TBC1D8: variants seen among roughly 807,000 people sequenced by gnomAD.
The protein encoded by TBC1D8 is TBC1 domain family member 8.
In TBC1D8, 65 loss-of-function variants were observed where a neutral mutation model predicts 118.8. The observed-to-expected ratio is 0.55, with a 90% CI of 0.45 to 0.67. The LOEUF is 0.67. TBC1D8 is among the 30% of genes least tolerant of loss of function. The probability of loss-of-function intolerance (pLI) is 0.00; values close to 1 mark genes in which losing one functional copy is unlikely to be tolerated. For synonymous variants in TBC1D8, 566 were observed against 595.8 expected (o/e 0.95, Z 0.73); for missense variants, 1,376 against 1,471.2 (o/e 0.94, Z 1.06).
intron 1 of TBC1D8, among the ~76,000 whole-genome samples, chr2:101,118,471 T>C (rs2919691): frequency 0.65 from 96,623 of 149,122 alleles, 31,054 homozygotes; most frequent in East Asian, 0.78. Context: ...CCAAGGCGGG[T>C]GGATCACAAG....
chr2:101,020,920 T>C (rs1366184299), intron 17 of TBC1D8, among the ~76,000 whole-genome samples: 3 of 152,078 alleles, frequency 2.0e-5, no homozygotes, highest in Non-Finnish European at 4.4e-5. Context: ...GTATATAGGG[T>C]TTGGTACTAT....
chr2:101,083,655 C>T (rs1407688088), intron 2 of TBC1D8, among the ~76,000 whole-genome samples: 2 of 152,130 alleles, frequency 1.3e-5, no homozygotes, highest in African/African-American at 2.4e-5. Context: ...CCTCAAAGGC[C>T]CTCCTATGTC....
At chr2:101,142,641 G>A (rs906060535) in intron 1 of TBC1D8, among the ~76,000 whole-genome samples, 5 of 151,976 alleles carry the variant, frequency 3.3e-5, no homozygotes, top group Non-Finnish European at 7.4e-5. Flanking sequence ...CAGGGGGTGG[G>A]GTGATCAAGT....
intron 1 of TBC1D8, among the ~76,000 whole-genome samples, chr2:101,124,534 C>T (rs764597999): frequency 3.3e-5 from 5 of 152,156 alleles, no homozygotes; most frequent in African/African-American, 1.2e-4. Flanking sequence ...CAGTACACTC[C>T]GCTGGCTGAG....
chr2:101,111,719 G>C (rs1265509327), intron 1 of TBC1D8, among the ~76,000 whole-genome samples: 4 of 152,190 alleles, frequency 2.6e-5, no homozygotes, highest in African/African-American at 2.4e-5. Flanking sequence ...TTACAGGAGG[G>C]AGAAATTGGT....
intron 11 of TBC1D8, 44 bp from the exon 12 acceptor site, chr2:101,029,820 C>T (rs1330060078): frequency 2.5e-6 from 4 of 1,581,746 alleles, no homozygotes; most frequent in Non-Finnish European, 3.4e-6. Context: ...GTAGGACTCA[C>T]TCTCTAAGGT....
chr2:101,007,748 G>T lies in TBC1D8; in HGVS notation c.*73C>A. The T allele has an allele frequency of 6.8e-7, 1 of 1,479,562 alleles. No individual in the cohort carries two copies. Among genetic ancestry groups the T allele is most frequent in the Non-Finnish European group, 9.2e-7 (1 of 1,082,968 alleles). The allele number at this position is 1,479,562 out of a possible 1,614,324, so 91.7% of individuals were successfully genotyped here. ...AGGTAGACTGAAATCTCGGTTTAGG[G>T]CTGACCCCAAGAAACAGTCTGGTTC... On this transcript the variant is annotated 3_prime_UTR_variant, in exon 20 of 20. Coordinates refer to ENST00000409318, the MANE Select transcript of TBC1D8 (RefSeq NM_001330348.2).
rs370020283 is a variant in TBC1D8, at chr2:101,034,383, A to G, written c.1604-625T>C. Among the ~76,000 whole-genome samples the G allele has an allele frequency of 3.2e-3, 494 of 152,338 alleles. 5 individuals carry two copies. The highest frequency in any genetic ancestry group is 0.011 in the African/African-American group (478 of 41,578). On this transcript the variant is annotated intron_variant, in intron 9 of 19. Coordinates refer to ENST00000409318, the MANE Select transcript of TBC1D8 (RefSeq NM_001330348.2). ...CAACAAGAAATGACACCAAGCACTG[A>G]TGCGTGAGGCACATCAAGGGGGCGC...
chr2:101,082,454 T>TG (rs1250247327), intron 2 of TBC1D8, among the ~76,000 whole-genome samples: 1 of 152,170 alleles, frequency 6.6e-6, no homozygotes, highest in Non-Finnish European at 1.5e-5. Context: ...CTGCTCCCCA[T>TG]GACCTGACTA....
intron 1 of TBC1D8, among the ~76,000 whole-genome samples, chr2:101,118,696 CA>C (rs36069912): frequency 0.063 from 5,085 of 80,532 alleles, 116 homozygotes; most frequent in Non-Finnish European, 0.082. Context: ...AACTCCATCT[CA>C]AAAAAAAAAA....
intron 6 of TBC1D8, among the ~76,000 whole-genome samples, chr2:101,039,467 A>AG (rs1319546326): frequency 6.6e-6 from 1 of 152,130 alleles, no homozygotes; most frequent in Non-Finnish European, 1.5e-5. Flanking sequence ...AAGAAGAAAA[A>AG]AATAAGAGTT....
chr2:101,109,792 C>T (rs1026777136), intron 1 of TBC1D8: 2 of 985,318 alleles, frequency 2.0e-6, no homozygotes, highest in African/African-American at 3.5e-5. Flanking sequence ...TGGTTAGAGA[C>T]AGGCAAACAC....
intron 1 of TBC1D8, among the ~76,000 whole-genome samples, chr2:101,144,447 A>G (rs1679241301): frequency 6.6e-6 from 1 of 152,182 alleles, no homozygotes; most frequent in African/African-American, 2.4e-5. Flanking sequence ...AAGTGCCAAC[A>G]TGCTGCAGGG....
chr2:101,051,590 A>T (rs1370529209), intron 4 of TBC1D8, among the ~76,000 whole-genome samples: 2 of 152,152 alleles, frequency 1.3e-5, no homozygotes, highest in Non-Finnish European at 2.9e-5. Context: ...ATCTATAAGG[A>T]ACTTAAACAC....
chr2:101,111,467 G>C (rs186913042), intron 1 of TBC1D8, among the ~76,000 whole-genome samples: 2 of 152,206 alleles, frequency 1.3e-5, no homozygotes, highest in African/African-American at 4.8e-5. Context: ...GAGTGTGTGC[G>C]CGAGTGCAGG....
At chr2:101,074,161 G>A (rs1489914360) in intron 2 of TBC1D8, among the ~76,000 whole-genome samples, 1 of 152,190 alleles carries the variant, frequency 6.6e-6, no homozygotes, top group Admixed American at 6.5e-5. Context: ...AGAGGCCATT[G>A]TAGAGTTATT....
intron 1 of TBC1D8, among the ~76,000 whole-genome samples, chr2:101,129,391 C>T (rs535003354): frequency 6.6e-6 from 1 of 152,230 alleles, no homozygotes; most frequent in East Asian, 1.9e-4. Flanking sequence ...AATCTGCCTG[C>T]CTCGGCCTCC....
chr2:101,031,164 C>T (rs192704677), intron 11 of TBC1D8, among the ~76,000 whole-genome samples: 17 of 152,332 alleles, frequency 1.1e-4, no homozygotes, highest in South Asian at 2.1e-4. Context: ...CCCTCAATGA[C>T]GCCGAGCTTT....
intron 19 of TBC1D8, among the ~76,000 whole-genome samples, chr2:101,010,232 A>G (rs1679102727): frequency 6.6e-6 from 1 of 152,210 alleles, no homozygotes; most frequent in Admixed American, 6.5e-5. Context: ...GAAGATGCTC[A>G]GAAGTTTTAG....
Sources: allele counts gnomAD v4.1 joint callset (sites outside exome capture counted in the v4.1 genomes callset), GRCh38; gene constraint gnomAD v4.1.1; transcripts MANE v1.5; gene names NCBI Gene and HGNC (gene_info 2026-07-23, HGNC 2026-07-21).